The following PRDM10 variants were observed in gnomAD, a reference collection of about 807,000 sequenced individuals.
The protein encoded by PRDM10 is PR domain zinc finger protein 10.
PRDM10 carries 65 observed loss-of-function variants against 133.1 expected under a neutral mutation model. That is an observed-to-expected ratio of 0.49 (90% CI 0.40 to 0.60). The LOEUF is 0.60. PRDM10 is among the 20% of genes least tolerant of loss of function. The pLI, the probability that PRDM10 is intolerant of heterozygous loss-of-function variation, is 0.00. For missense variants in PRDM10, 1,137 were observed against 1,507.1 expected, an observed-to-expected ratio of 0.75 and a Z score of 4.07; for synonymous variants, 582 against 580.4, an observed-to-expected ratio of 1.00 and a Z score of -0.04.
In PRDM10 at chr11:129,915,721, G is replaced by A. The variant is rs771230126; in HGVS notation, c.2465C>T (p.Thr822Met). 1.5e-5 allele frequency: 25 copies of A among 1,613,916 alleles called. No individual in the cohort carries two copies. The highest frequency in any genetic ancestry group is 2.7e-5 in the African/African-American group (2 of 74,938). Residue 822 changes from threonine (T) to methionine (M), a missense_variant, in exon 16 of 21, where the codon ACG (threonine) becomes ATG (methionine). Thr to Met is a moderately conservative substitution (Grantham distance 81, BLOSUM62 -1). Transcript: ENST00000360871. ...GACGGGAGGGGTGGCGATGGTGCCC[G>A]TCAGCTGGGTGTGTGTGCTCAGCAT... ...DPMLSTHTQL[T>M]GTIATPPVCC...
At chr11:129,930,736 TGAGGGATGCAGA>T (rs1431069434) in intron 11 of PRDM10, among the ~76,000 whole-genome samples, 1 of 152,202 alleles carries the variant, frequency 6.6e-6, no homozygotes. Flanking sequence ...ATCTGTGAAT[TGAGGGATGCAGA>T]GAGCTAGTCC....
chr11:130,001,149 T>C (rs749728331), intron 1 of PRDM10, among the ~76,000 whole-genome samples: 1 of 152,086 alleles, frequency 6.6e-6, no homozygotes, highest in Non-Finnish European at 1.5e-5. Context: ...CCATATTGAA[T>C]AAACACTGTT....
chr11:129,929,459 A>C, intron 11 of PRDM10: 1 of 1,544,528 alleles, frequency 6.5e-7, no homozygotes, highest in Non-Finnish European at 8.7e-7. Flanking sequence ...AAATAGTTAC[A>C]TTACCAATTG....
chr11:129,935,059 C>G (rs1362958470), intron 9 of PRDM10, 42 bp downstream of exon 9: 2 of 1,510,226 alleles, frequency 1.3e-6, no homozygotes, highest in Non-Finnish European at 1.8e-6. Flanking sequence ...GATTCTGAAC[C>G]TTTATGAACT....
At chr11:129,997,868 T>C (rs2136009675) in intron 1 of PRDM10, among the ~76,000 whole-genome samples, 1 of 152,336 alleles carries the variant, frequency 6.6e-6, no homozygotes, top group East Asian at 1.9e-4. Context: ...AATCATGCTT[T>C]TGTGAGAGCT....
In PRDM10 at chr11:129,947,095, C is replaced by T. The variant is rs922331526; in HGVS notation, c.520+50G>A. 1.8e-5 allele frequency: 29 copies of T among 1,599,594 alleles called. No homozygotes were observed. In the African/African-American group the frequency reaches 3.5e-4, roughly 19 times the overall value. On this transcript the variant is annotated intron_variant, in intron 5 of 20. Transcript: ENST00000360871. The surrounding 1 kb of genome is among the most constrained non-coding windows in gnomAD (Gnocchi z 4.6). ...TCACACACACGCACACGTACACAGA[C>T]ACACAAGATGGACACAGCTTCCCTG...
intron 13 of PRDM10, among the ~76,000 whole-genome samples, chr11:129,921,254 T>C (rs1046472176): frequency 6.6e-6 from 1 of 152,104 alleles, no homozygotes; most frequent in African/African-American, 2.4e-5. Flanking sequence ...CTGTGGGAAT[T>C]GGTGGGAGAA....
chr11:129,920,067 C>CA (rs1010456516), intron 13 of PRDM10, among the ~76,000 whole-genome samples: 5 of 152,268 alleles, frequency 3.3e-5, no homozygotes, highest in African/African-American at 1.2e-4. Flanking sequence ...TGCATTGCCA[C>CA]TTTTTTTCTT....
chr11:129,995,299 G>A (rs75028799), intron 1 of PRDM10, among the ~76,000 whole-genome samples: 1,552 of 152,260 alleles, frequency 0.01, 31 homozygotes, highest in African/African-American at 0.035. Context: ...TGAGGATACA[G>A]ACCCTTTTCT....
At chr11:129,961,407 C>A (rs1027643557) in intron 1 of PRDM10, among the ~76,000 whole-genome samples, 2 of 151,972 alleles carry the variant, frequency 1.3e-5, no homozygotes, top group Non-Finnish European at 2.9e-5. Flanking sequence ...TAGGTTTAAG[C>A]GATTCTCCTG....
In PRDM10 at chr11:129,912,101, G is replaced by A; in HGVS notation, c.2966C>T (p.Ala989Val). 6.2e-7 allele frequency: 1 copy of A among 1,610,628 alleles called. No individual in the cohort carries two copies. The highest frequency in any genetic ancestry group is 1.3e-5 in the African/African-American group (1 of 74,914). The change falls in exon 18 of 21, where the codon GCC becomes GTC. Residue 989 changes from alanine (A) to valine (V), a missense_variant. Ala to Val is a moderately conservative substitution (Grantham distance 64). Around this residue, in one of 6 missense-constraint regions of PRDM10, gnomAD observed 243 missense variants for 259.2 expected, o/e 0.94. Coordinates refer to ENST00000360871, the MANE Select transcript of PRDM10 (RefSeq NM_199437.2). Reference sequence around the variant, plus strand: ...GCAGGGTACCTGGGCGGAGGACGGGGCCGAGGCGGTAGGCTCGCTGACCTG... The same window carrying A: ...GCAGGGTACCTGGGCGGAGGACGGGACCGAGGCGGTAGGCTCGCTGACCTG... ...HIQVSEPTAS[A>V]PSSAQVSGQP... is the part of the protein sequence containing the mutation.
intron 1 of PRDM10, among the ~76,000 whole-genome samples, chr11:129,970,154 G>GT (rs1951987825): frequency 6.6e-6 from 1 of 152,204 alleles, no homozygotes; most frequent in East Asian, 1.9e-4. Context: ...GACATGTTAT[G>GT]TTATAATAGC....
chr11:129,929,529 A>C (rs768948866), intron 11 of PRDM10: 10 of 937,004 alleles, frequency 1.1e-5, no homozygotes, highest in African/African-American at 1.7e-5. Flanking sequence ...ATGAAAAAAT[A>C]CATAGCCCTA....
intron 16 of PRDM10, 128 bp from the exon 17 acceptor site, chr11:129,915,146 C>A: frequency 1.1e-6 from 1 of 921,702 alleles, no homozygotes; most frequent in Non-Finnish European, 1.6e-6. Flanking sequence ...CAGAGCAACA[C>A]TGACTCTATG....
At chr11:129,941,537 C>T (rs1951205087) in intron 7 of PRDM10, among the ~76,000 whole-genome samples, 1 of 152,192 alleles carries the variant, frequency 6.6e-6, no homozygotes, top group Non-Finnish European at 1.5e-5. Context: ...CATCTTTAAT[C>T]ACTCCGTCAC....
intron 6 of PRDM10, 116 bp downstream of exon 6, chr11:129,944,655 G>A (rs1044361045): frequency 2.2e-6 from 3 of 1,393,104 alleles, no homozygotes; most frequent in African/African-American, 2.9e-5. Context: ...AAGATAGAAA[G>A]AAGAATACTA....
chr11:129,988,888 C>CA (rs1938579745), intron 1 of PRDM10, among the ~76,000 whole-genome samples: 1 of 152,028 alleles, frequency 6.6e-6, no homozygotes, highest in Admixed American at 6.5e-5. Context: ...CTTGGCCTCC[C>CA]AAAGTGCTGG....
chr11:129,967,131 C>T lies in PRDM10; in HGVS notation c.-118-6049G>A, dbSNP rs187471484. On this transcript the variant is annotated intron_variant, in intron 1 of 20. Coordinates refer to ENST00000360871, the MANE Select transcript of PRDM10 (RefSeq NM_199437.2). ...TGAAGCCGGGCGCGGTGGCTCATGC[C>T]TGTAATCCCAACACTTTGGGAGGCC... Among the ~76,000 whole-genome samples, 23 of 152,240 alleles carry T rather than the reference C, an allele frequency of 1.5e-4. No homozygotes were observed. In the East Asian group the frequency reaches 4.4e-3, roughly 29 times the overall value.
At chr11:129,920,159 C>T (rs1308117302) in intron 13 of PRDM10, among the ~76,000 whole-genome samples, 2 of 152,180 alleles carry the variant, frequency 1.3e-5, no homozygotes, top group African/African-American at 4.8e-5. Context: ...TCCCTTTAAA[C>T]AACCAACTGA....
Sources: allele counts gnomAD v4.1 joint callset (sites outside exome capture counted in the v4.1 genomes callset), GRCh38; gene constraint gnomAD v4.1.1; regional missense constraint gnomAD v4.1.1; non-coding constraint Gnocchi (gnomAD v3.1); transcripts MANE v1.5; gene names NCBI Gene and HGNC (gene_info 2026-07-23, HGNC 2026-07-21).